The following DNER variants were observed in gnomAD, a reference collection of about 807,000 sequenced individuals.
The protein encoded by DNER is delta and Notch-like epidermal growth factor-related receptor.
In DNER, 33 loss-of-function variants were observed where a neutral mutation model predicts 78.2. The ratio of observed to expected loss-of-function variants is 0.42; its 90% CI spans 0.32 to 0.56. The LOEUF is 0.56. DNER is among the 20% of genes least tolerant of loss of function. The pLI is 0.11. For missense variants in DNER, 918 were observed against 975.3 expected (o/e 0.94, Z 0.78); for synonymous variants, 417 against 384.8 (o/e 1.08, Z -0.98).
At chr2:229,480,683 T>C (rs1397421018) in intron 6 of DNER, among the ~76,000 whole-genome samples, 1 of 152,222 alleles carries the variant, frequency 6.6e-6, no homozygotes, top group Non-Finnish European at 1.5e-5. Context: ...GTAAAGATAC[T>C]GAGGTCTTGC....
At chr2:229,374,256 A>AG (rs59900712) in intron 11 of DNER, among the ~76,000 whole-genome samples, 32,708 of 151,954 alleles carry the variant, frequency 0.22, 5,045 homozygotes, top group East Asian at 0.52. Context: ...AAGGAAAGGA[A>AG]GGGGGGAAAT....
At chr2:229,422,910 A>T (rs1419096333) in intron 8 of DNER, among the ~76,000 whole-genome samples, 2 of 152,212 alleles carry the variant, frequency 1.3e-5, no homozygotes, top group Non-Finnish European at 2.9e-5. Flanking sequence ...ATGCAGTGCC[A>T]TGGAAGCCAG....
intron 8 of DNER, among the ~76,000 whole-genome samples, chr2:229,432,365 C>A (rs1329376133): frequency 6.6e-6 from 1 of 151,560 alleles, no homozygotes; most frequent in Non-Finnish European, 1.5e-5. Context: ...CCAGCAAAGG[C>A]AACAAATGGG....
At chr2:229,626,924 T>G (rs376313787) in intron 1 of DNER, among the ~76,000 whole-genome samples, 3 of 152,324 alleles carry the variant, frequency 2.0e-5, no homozygotes, top group African/African-American at 7.2e-5. Flanking sequence ...ATTTTAGAGC[T>G]GATGAGAATG....
chr2:229,501,815 T>C (rs1212472121), intron 6 of DNER, among the ~76,000 whole-genome samples: 1 of 152,236 alleles, frequency 6.6e-6, no homozygotes, highest in East Asian at 1.9e-4. Context: ...TAATTAATTA[T>C]AAATAGTTAA....
At chr2:229,638,483 C>A (rs751802983) in intron 1 of DNER, among the ~76,000 whole-genome samples, 6 of 152,104 alleles carry the variant, frequency 3.9e-5, no homozygotes, top group Non-Finnish European at 7.4e-5. Flanking sequence ...ACAAATGGTG[C>A]GGGACAACTG....
intron 8 of DNER, among the ~76,000 whole-genome samples, chr2:229,419,984 C>T (rs1693731260): frequency 6.7e-6 from 1 of 149,556 alleles, no homozygotes; most frequent in African/African-American, 2.5e-5. Flanking sequence ...CTGCGCAGGA[C>T]AGCCTCTCAC....
intron 4 of DNER, among the ~76,000 whole-genome samples, chr2:229,552,499 G>A (rs550257530): frequency 6.6e-6 from 1 of 152,304 alleles, no homozygotes; most frequent in East Asian, 1.9e-4. Context: ...TTTAATCGTG[G>A]AAATGGTCAC....
rs535964375 is a variant in DNER, at chr2:229,460,705, C to T, written c.1262-13165G>A. The stretch of plus-strand genomic sequence containing the variant: ...TACTAATCTGCTGATGGAGACCAGA[C>T]GTTGGTTGATTGGTGGCTCTTAGCT... On this transcript the variant is annotated intron_variant, in intron 7 of 12. Transcript: ENST00000341772. Among the ~76,000 whole-genome samples, 3 of 152,104 alleles carry T rather than the reference C, an allele frequency of 2.0e-5. No individual in the cohort carries two copies. The South Asian group carries it at 6.2e-4, about 32-fold the overall frequency.
rs149120527 is a variant in DNER, at chr2:229,658,232, C to T, written c.276+55916G>A. On this transcript the variant is annotated intron_variant, in intron 1 of 12. Transcript: ENST00000341772. ...TTCATTCTCTCAGCTGACTCTCTGA[C>T]CTTAACATATGCAAATTTTATTCAA... Among the ~76,000 whole-genome samples, 51 of 152,338 alleles carry T rather than the reference C, an allele frequency of 3.3e-4. 1 individual carries two copies. In the East Asian group the frequency reaches 7.1e-3, roughly 21 times the overall value.
At position 229,540,076 on chromosome 2, in the gene DNER, T is replaced by C. The variant is rs150079937; in HGVS notation, c.993+6871A>G. 8.7e-3 allele frequency among the ~76,000 whole-genome samples: 1,329 copies of C among 152,266 alleles called. 10 individuals are homozygous for C. The highest frequency in any genetic ancestry group is 0.024 in the East Asian group (125 of 5,178). ...ACATATAAGCATAAATCAAAAGTCA[T>C]GTGTTCCCACAACAGAAGGAAAATT... On this transcript the variant is annotated intron_variant, in intron 5 of 12. Transcript: ENST00000341772.
At chr2:229,546,800 G>A in intron 5 of DNER, 147 bp downstream of exon 5, 2 of 1,187,212 alleles carry the variant, frequency 1.7e-6, no homozygotes, top group Non-Finnish European at 2.3e-6. Context: ...TAGATAGATA[G>A]ATAGACAGAC....
chr2:229,404,899 C>T (rs889838278), intron 10 of DNER, among the ~76,000 whole-genome samples: 35 of 148,964 alleles, frequency 2.3e-4, no homozygotes, highest in African/African-American at 6.9e-4. Context: ...GCATGAAACA[C>T]GAAAAGAAAT....
intron 10 of DNER, among the ~76,000 whole-genome samples, chr2:229,396,955 T>G (rs1693157508): frequency 6.6e-6 from 1 of 152,200 alleles, no homozygotes. Flanking sequence ...TGTGCCATTT[T>G]GTAGGTAGGT....
At chr2:229,611,745 G>A (rs1222000387) in intron 1 of DNER, among the ~76,000 whole-genome samples, 1 of 152,198 alleles carries the variant, frequency 6.6e-6, no homozygotes. Context: ...GTCCCTAAGT[G>A]ACAGAGCAGA....
Position 229,471,328 on chromosome 2 carries a change from T to C in DNER, c.1261+5812A>G, listed in dbSNP as rs78980045. Among the ~76,000 whole-genome samples, 477 of 148,962 alleles carry C rather than the reference T, an allele frequency of 3.2e-3. 5 individuals carry two copies. Among genetic ancestry groups the C allele is most frequent in the African/African-American group, 0.011 (459 of 40,444 alleles). ...TTTGAGTTCGACAAAAGGATTTATATAGCTAGGTTACCCAAGGCTATAAAA... is the reference window on the plus strand; with the variant it reads ...TTTGAGTTCGACAAAAGGATTTATACAGCTAGGTTACCCAAGGCTATAAAA... On this transcript the variant is annotated intron_variant, in intron 7 of 12. Transcript: ENST00000341772.
At chr2:229,544,350 C>T (rs1696576993) in intron 5 of DNER, among the ~76,000 whole-genome samples, 1 of 152,176 alleles carries the variant, frequency 6.6e-6, no homozygotes, top group African/African-American at 2.4e-5. Flanking sequence ...TCACCTCACT[C>T]CCAGAAGCAG....
chr2:229,613,100 C>A (rs944408055), intron 1 of DNER, among the ~76,000 whole-genome samples: 8 of 152,170 alleles, frequency 5.3e-5, no homozygotes, highest in African/African-American at 1.7e-4. Context: ...TTGTGCCCAG[C>A]TCTTCAGGGA....
At chr2:229,424,197 A>G (rs1693825254) in intron 8 of DNER, among the ~76,000 whole-genome samples, 1 of 152,272 alleles carries the variant, frequency 6.6e-6, no homozygotes, top group Non-Finnish European at 1.5e-5. Flanking sequence ...CCAGTGTGGT[A>G]GCAAGTTAGC....
Sources: allele counts gnomAD v4.1 joint callset (sites outside exome capture counted in the v4.1 genomes callset), GRCh38; gene constraint gnomAD v4.1.1; transcripts MANE v1.5; gene names NCBI Gene and HGNC (gene_info 2026-07-23, HGNC 2026-07-21).